C16orf74: variants seen among roughly 807,000 people sequenced by gnomAD.
C16orf74 encodes the protein calcimembrin.
C16orf74 carries 10 observed loss-of-function variants against 6.5 expected under a neutral mutation model. The observed-to-expected ratio is 1.54, with a 90% CI of 0.95 to 2.61. C16orf74 has a LOEUF of 2.61. Ranked by LOEUF, C16orf74 falls within the 30% of genes most tolerant of loss-of-function variation. The probability of loss-of-function intolerance (pLI) is 0.00; values close to 1 mark genes in which losing one functional copy is unlikely to be tolerated. For missense variants in C16orf74, 141 were observed against 105.9 expected (o/e 1.33, Z -1.45); for synonymous variants, 60 against 42.5 (o/e 1.41, Z -1.60).
intron 2 of C16orf74, among the ~76,000 whole-genome samples, chr16:85,714,409 T>TTTATTTATTTATTTA (rs1567802607): frequency 4.7e-5 from 2 of 42,352 alleles, no homozygotes; most frequent in Admixed American, 1.8e-4. Context: ...TTATTATTTA[T>TTTATTTATTTATTTA]TTATTTATTT....
In C16orf74 at chr16:85,710,160, T is replaced by C; in HGVS notation, c.172+4A>G. 7.0e-7 allele frequency: 1 copy of C among 1,432,898 alleles called. No individual in the cohort carries two copies. The highest frequency in any genetic ancestry group is 9.1e-7 in the Non-Finnish European group (1 of 1,098,266). The allele number at this position is 1,432,898 out of a possible 1,614,324, so 88.8% of individuals were successfully genotyped here. On this transcript the variant is annotated splice_donor_region_variant and intron_variant, in intron 3 of 3. Transcript: ENST00000284245. ...CGGCTTGGCGGTGGAGGGGACGGCC[T>C]CACCTGTGCTCCCCAAGTCCCTCGG...
At chr16:85,718,217 G>T (rs1214619848) in intron 2 of C16orf74, among the ~76,000 whole-genome samples, 1 of 151,930 alleles carries the variant, frequency 6.6e-6, no homozygotes, top group African/African-American at 2.4e-5. Context: ...GAAACTACAG[G>T]CACTCTCCAC....
At chr16:85,710,624 G>A (rs1388702066) in intron 2 of C16orf74, 17 of 306,932 alleles carry the variant, frequency 5.5e-5, no homozygotes, top group Non-Finnish European at 9.6e-5. Context: ...CTCATTCCCG[G>A]CCACCAGCCC....
intron 2 of C16orf74, among the ~76,000 whole-genome samples, chr16:85,725,256 G>GT (rs1197228821): frequency 6.6e-6 from 1 of 152,164 alleles, no homozygotes. Context: ...CTCCTGGGCA[G>GT]AGATCTGTTC....
intron 3 of C16orf74, among the ~76,000 whole-genome samples, 167 bp downstream of exon 3, chr16:85,709,996 AG>A (rs1245455290): frequency 6.6e-6 from 1 of 152,206 alleles, no homozygotes; most frequent in East Asian, 1.9e-4. Context: ...GCGCCGTGGC[AG>A]GGGGCTCACG....
chr16:85,742,188 C>A (rs1041043498), intron 1 of C16orf74, among the ~76,000 whole-genome samples: 1 of 152,166 alleles, frequency 6.6e-6, no homozygotes, highest in African/African-American at 2.4e-5. Flanking sequence ...GCCTGGCCAA[C>A]ATGGCAAAAC....
At chr16:85,729,764 C>T (rs988685180) in intron 2 of C16orf74, among the ~76,000 whole-genome samples, 35 of 152,172 alleles carry the variant, frequency 2.3e-4, no homozygotes, top group Admixed American at 1.4e-3. Flanking sequence ...AGGAAGGCCA[C>T]GTGAAGACAG....
intron 2 of C16orf74, among the ~76,000 whole-genome samples, chr16:85,720,907 G>C (rs2054075953): frequency 6.6e-6 from 1 of 151,766 alleles, no homozygotes; most frequent in Non-Finnish European, 1.5e-5. Flanking sequence ...GGCCAACATG[G>C]TGAAAACTCA....
intron 2 of C16orf74, among the ~76,000 whole-genome samples, chr16:85,728,528 G>A (rs1329707384): frequency 4.6e-5 from 7 of 151,906 alleles, no homozygotes; most frequent in South Asian, 2.1e-4. Flanking sequence ...CGCCCACCCC[G>A]CCCCCACAGA....
chr16:85,724,059 G>A (rs529321672), intron 2 of C16orf74, among the ~76,000 whole-genome samples: 5 of 151,856 alleles, frequency 3.3e-5, no homozygotes, highest in Non-Finnish European at 7.4e-5. Context: ...AGGCTGGAAT[G>A]CAGTGGCACC....
At chr16:85,708,603 G>A (rs997768481) in intron 3 of C16orf74, among the ~76,000 whole-genome samples, 3 of 152,178 alleles carry the variant, frequency 2.0e-5, no homozygotes, top group Non-Finnish European at 4.4e-5. Context: ...TAGAGATAAG[G>A]GTTGGAATGA....
chr16:85,747,526 T>C (rs559729030), intron 1 of C16orf74, among the ~76,000 whole-genome samples: 94 of 152,080 alleles, frequency 6.2e-4, no homozygotes, highest in African/African-American at 2.2e-3. Flanking sequence ...GGGAGGAGCA[T>C]GAAGGGATTT....
At chr16:85,708,194 T>C (rs1303393127) in intron 3 of C16orf74, 128 bp from the exon 4 acceptor site, 11 of 770,670 alleles carry the variant, frequency 1.4e-5, no homozygotes, top group African/African-American at 1.2e-4. Context: ...GAGGCTGAGA[T>C]GGGACCCAGC....
At chr16:85,735,304 GC>G in intron 1 of C16orf74, 69 bp from the exon 2 acceptor site, 2 of 1,240,152 alleles carry the variant, frequency 1.6e-6, no homozygotes, top group Non-Finnish European at 1.1e-6. Flanking sequence ...GTGCAGCCGG[GC>G]CCCCACCCTT....
intron 2 of C16orf74, among the ~76,000 whole-genome samples, chr16:85,715,995 A>G (rs1039647945): frequency 6.9e-6 from 1 of 143,932 alleles, no homozygotes; most frequent in African/African-American, 3.0e-5. Flanking sequence ...GGCCCCCGAC[A>G]AAAGGAATCG....
chr16:85,712,911 C>G (rs2053984494), intron 2 of C16orf74, among the ~76,000 whole-genome samples: 1 of 152,188 alleles, frequency 6.6e-6, no homozygotes, highest in Non-Finnish European at 1.5e-5. Flanking sequence ...TGGAGGGGGG[C>G]TCCGGGTCAT....
intron 2 of C16orf74, among the ~76,000 whole-genome samples, chr16:85,718,098 A>G (rs530159755): frequency 7.2e-4 from 110 of 152,254 alleles, no homozygotes; most frequent in Non-Finnish European, 1.2e-3. Flanking sequence ...ATTTAAATTA[A>G]TGAATTGATT....
intron 2 of C16orf74, among the ~76,000 whole-genome samples, chr16:85,730,014 C>T (rs2054171808): frequency 6.6e-6 from 1 of 152,170 alleles, no homozygotes; most frequent in African/African-American, 2.4e-5. Context: ...TCCCAGCCAG[C>T]CAAGTCGGGT....
At chr16:85,746,964 T>G (rs576835458) in intron 1 of C16orf74, among the ~76,000 whole-genome samples, 3 of 152,314 alleles carry the variant, frequency 2.0e-5, no homozygotes, top group South Asian at 2.1e-4. Context: ...GCCACGGTCC[T>G]GCGGGGACAG....
Sources: gnomAD v4.1 joint callset for allele counts (sites outside exome capture counted in the v4.1 genomes callset) on GRCh38, gnomAD v4.1.1 for gene constraint, MANE v1.5 for transcripts, NCBI Gene and HGNC (gene_info 2026-07-23, HGNC 2026-07-21) for gene names.